The following PPCDC variants were observed in gnomAD, a reference collection of about 807,000 sequenced individuals.
The protein encoded by PPCDC is phosphopantothenoylcysteine decarboxylase.
A neutral mutation model predicts 20.7 loss-of-function variants in PPCDC; 20 were observed. The ratio of observed to expected loss-of-function variants is 0.97; its 90% CI spans 0.68 to 1.41. The LOEUF (loss-of-function observed/expected upper bound fraction) is 1.41. Among genes scored for constraint, PPCDC ranks in the 40% most tolerant of loss-of-function variants. PPCDC has a pLI of 0.00. For missense variants in PPCDC, 246 were observed against 263.8 expected, an observed-to-expected ratio of 0.93 and a Z score of 0.47; for synonymous variants, 88 against 100.3, an observed-to-expected ratio of 0.88 and a Z score of 0.73.
At chr15:75,031,534 C>G (rs1261327391) in intron 2 of PPCDC, among the ~76,000 whole-genome samples, 1 of 152,038 alleles carries the variant, frequency 6.6e-6, no homozygotes, top group Non-Finnish European at 1.5e-5. Flanking sequence ...TGGTAAAACC[C>G]CAGCTCTACT....
At chr15:75,030,194 A>C (rs999717256) in intron 2 of PPCDC, among the ~76,000 whole-genome samples, 1 of 152,142 alleles carries the variant, frequency 6.6e-6, no homozygotes, top group African/African-American at 2.4e-5. Flanking sequence ...TTCCCATTTG[A>C]AAATAGGGCT....
chr15:75,039,548 C>T (rs1490987515), intron 2 of PPCDC, among the ~76,000 whole-genome samples: 1 of 152,214 alleles, frequency 6.6e-6, no homozygotes, highest in African/African-American at 2.4e-5. Flanking sequence ...CTGCCTCATG[C>T]TCACCTTTGT....
At chr15:75,044,321 C>T (rs1050117828) in intron 3 of PPCDC, 65 bp from the exon 4 acceptor site, 1 of 1,592,864 alleles carries the variant, frequency 6.3e-7, no homozygotes, top group Admixed American at 1.7e-5. Flanking sequence ...ACTTACCGTA[C>T]CTGGCCTGCC....
intron 4 of PPCDC, 133 bp from the exon 5 acceptor site, chr15:75,048,420 C>T (rs2066267075): frequency 2.4e-6 from 3 of 1,227,506 alleles, no homozygotes; most frequent in Non-Finnish European, 2.2e-6. Flanking sequence ...AGGGATGAGA[C>T]AGCTCCCTGC....
chr15:75,032,357 G>T (rs1054869208), intron 2 of PPCDC, among the ~76,000 whole-genome samples: 3 of 152,180 alleles, frequency 2.0e-5, no homozygotes, highest in African/African-American at 7.2e-5. Context: ...CGAGGGTGAG[G>T]AAAAGAAGGC....
intron 2 of PPCDC, among the ~76,000 whole-genome samples, chr15:75,030,016 C>T (rs2066003150): frequency 6.6e-6 from 1 of 152,038 alleles, no homozygotes; most frequent in African/African-American, 2.4e-5. Context: ...GGGAGGTGCT[C>T]CAGCCCACCC....
At chr15:75,040,416 C>T (rs2066138542) in intron 2 of PPCDC, among the ~76,000 whole-genome samples, 1 of 152,136 alleles carries the variant, frequency 6.6e-6, no homozygotes, top group Admixed American at 6.5e-5. Flanking sequence ...TTTTAATGGG[C>T]TTCTGGGAGG....
chr15:75,028,331 G>T lies in PPCDC; in HGVS notation c.13G>T (p.Ala5Ser), dbSNP rs144347088. 48 of 1,614,066 alleles carry T rather than the reference G, an allele frequency of 3.0e-5. No individual in the cohort carries two copies. The highest frequency in any genetic ancestry group is 3.6e-5 in the Non-Finnish European group (43 of 1,180,004). ...CACCAGACCCCACATGGAACCAAAG[G>T]CCTCCTGTCCAGCTGCTGCACCCTT... is the stretch of plus-strand genomic sequence containing the variant. The part of the protein sequence containing the change: MEPK[A>S]SCPAAAPLME... The change falls in exon 2 of 6, where the codon GCC (alanine) becomes TCC (serine). Residue 5 changes from alanine to serine, a missense_variant. Physicochemically the swap from Ala to Ser is moderately conservative, Grantham distance 99. This residue lies in a region of PPCDC where 225 missense variants were observed against 222.6 expected (regional missense o/e 1.01). Transcript: ENST00000342932.
chr15:75,044,584 T>C, intron 4 of PPCDC, 70 bp downstream of exon 4: 2 of 1,559,136 alleles, frequency 1.3e-6, no homozygotes, highest in Non-Finnish European at 1.7e-6. Flanking sequence ...GCAGACATCC[T>C]TGTACAAGGA....
chr15:75,031,119 G>A (rs1216905016), intron 2 of PPCDC, among the ~76,000 whole-genome samples: 1 of 152,100 alleles, frequency 6.6e-6, no homozygotes, highest in African/African-American at 2.4e-5. Context: ...AGTGAAGGAG[G>A]GGCAGGTTCT....
chr15:75,044,725 G>A, intron 4 of PPCDC: 1 of 597,156 alleles, frequency 1.7e-6, no homozygotes, highest in Non-Finnish European at 2.8e-6. Context: ...AGTGTGACCT[G>A]CCACTGCTCC....
intron 4 of PPCDC, chr15:75,044,816 T>C: frequency 3.1e-6 from 1 of 327,724 alleles, no homozygotes; most frequent in South Asian, 2.8e-5. Context: ...TCTTTGTCCC[T>C]CCTCGTGGGC....
chr15:75,043,327 G>T, intron 2 of PPCDC, 114 bp from the exon 3 acceptor site: 2 of 828,730 alleles, frequency 2.4e-6, no homozygotes, highest in Admixed American at 2.6e-5. Context: ...CCTCTCTCAA[G>T]CCAGCCTGTG....
intron 2 of PPCDC, among the ~76,000 whole-genome samples, chr15:75,036,496 G>A (rs1204019347): frequency 6.6e-6 from 1 of 152,144 alleles, no homozygotes; most frequent in Non-Finnish European, 1.5e-5. Context: ...GGAAAGACCC[G>A]CCCATCACAT....
At chr15:75,043,365 C>A in intron 2 of PPCDC, 76 bp from the exon 3 acceptor site, 1 of 1,318,770 alleles carries the variant, frequency 7.6e-7, no homozygotes, top group Non-Finnish European at 1.1e-6. Flanking sequence ...CCCTGACCCT[C>A]CTGTGGCCTC....
Position 75,026,667 on chromosome 15 carries a change from T to C in PPCDC, c.-72-1580T>C, listed in dbSNP as rs999373714. Among the ~76,000 whole-genome samples, 3 of 152,234 alleles carry C rather than the reference T, an allele frequency of 2.0e-5. No individual in the cohort carries two copies. In the East Asian group the frequency reaches 5.8e-4, roughly 29 times the overall value. ...GATGCTCAGCCATGGAGGTAGCCATTGGACAACTCACCAGCGCTGCTTCCT... is the reference window on the plus strand; with the variant it reads ...GATGCTCAGCCATGGAGGTAGCCATCGGACAACTCACCAGCGCTGCTTCCT... On this transcript the variant is annotated intron_variant, in intron 1 of 5. Transcript: ENST00000342932.
intron 4 of PPCDC, among the ~76,000 whole-genome samples, chr15:75,045,881 G>A (rs2066226443): frequency 6.6e-6 from 1 of 150,818 alleles, no homozygotes; most frequent in Non-Finnish European, 1.5e-5. Context: ...TCCAGCCTGG[G>A]CAACATAGCA....
intron 1 of PPCDC, among the ~76,000 whole-genome samples, chr15:75,027,877 A>G (rs953254059): frequency 6.6e-6 from 1 of 152,092 alleles, no homozygotes; most frequent in African/African-American, 2.4e-5. Flanking sequence ...CCTCCTCAGG[A>G]CCTTCACCTT....
At chr15:75,027,460 T>C (rs1159064783) in intron 1 of PPCDC, among the ~76,000 whole-genome samples, 1 of 152,154 alleles carries the variant, frequency 6.6e-6, no homozygotes, top group Non-Finnish European at 1.5e-5. Flanking sequence ...TGCTGGTTTC[T>C]TCCTGGGCTT....
Sources: gnomAD v4.1 joint callset for allele counts (sites outside exome capture counted in the v4.1 genomes callset) on GRCh38, gnomAD v4.1.1 for gene constraint, gnomAD v4.1.1 regional missense constraint, MANE v1.5 for transcripts, NCBI Gene and HGNC (gene_info 2026-07-23, HGNC 2026-07-21) for gene names.